The following SEMA3E variants were observed in gnomAD, a reference collection of about 807,000 sequenced individuals.
SEMA3E encodes semaphorin-3E.
In SEMA3E, 49 loss-of-function variants were observed where a neutral mutation model predicts 93.6. The observed-to-expected ratio is 0.52, with a 90% CI of 0.42 to 0.66. The LOEUF is 0.66. SEMA3E is among the 30% of genes least tolerant of loss of function. SEMA3E has a pLI of 0.00. For missense variants in SEMA3E, 906 were observed against 964.8 expected, an observed-to-expected ratio of 0.94 and a Z score of 0.81; for synonymous variants, 363 against 330.7, an observed-to-expected ratio of 1.10 and a Z score of -1.06.
chr7:83,476,084 C>G (rs1394804425), intron 2 of SEMA3E, among the ~76,000 whole-genome samples: 1 of 152,150 alleles, frequency 6.6e-6, no homozygotes, highest in Non-Finnish European at 1.5e-5. Context: ...GAGGGCAAGG[C>G]AGTGACTTAT....
chr7:83,371,489 C>T (rs767444620), intron 16 of SEMA3E: 4 of 151,994 alleles, frequency 2.6e-5, no homozygotes, highest in Non-Finnish European at 2.9e-5. Context: ...TTTAATGATG[C>T]GTCAATTTGT....
intron 1 of SEMA3E, among the ~76,000 whole-genome samples, chr7:83,605,359 T>C (rs375873978): frequency 1.3e-5 from 2 of 152,130 alleles, no homozygotes; most frequent in Non-Finnish European, 1.5e-5. Context: ...TTGTGGTTTT[T>C]ATTTGCATTT....
At chr7:83,483,184 A>T (rs1187007248) in intron 2 of SEMA3E, among the ~76,000 whole-genome samples, 1 of 152,150 alleles carries the variant, frequency 6.6e-6, no homozygotes, top group Admixed American at 6.6e-5. Flanking sequence ...TTTCTATCAG[A>T]TAATATATAA....
At chr7:83,610,475 T>C (rs191781585) in intron 1 of SEMA3E, among the ~76,000 whole-genome samples, 2 of 152,224 alleles carry the variant, frequency 1.3e-5, no homozygotes, top group Non-Finnish European at 2.9e-5. Context: ...ATATTATAAA[T>C]GTTACAACTA....
rs954214086 is a variant in SEMA3E, at chr7:83,632,397, G to A, written c.115+16031C>T. 4.6e-5 allele frequency among the ~76,000 whole-genome samples: 7 copies of A among 152,086 alleles called. 1 individual carries two copies. The highest frequency in any genetic ancestry group is 4.6e-4 in the Admixed American group (7 of 15,272). ...CCCAAATCTCAGCTTTAATTCCCACGGGTTGTGGGAGGGACCCAGTGGGAG... is the reference window on the plus strand; with the variant it reads ...CCCAAATCTCAGCTTTAATTCCCACAGGTTGTGGGAGGGACCCAGTGGGAG... On this transcript the variant is annotated intron_variant, in intron 1 of 16. Coordinates refer to ENST00000643230, the MANE Select transcript of SEMA3E (RefSeq NM_012431.3).
intron 1 of SEMA3E, among the ~76,000 whole-genome samples, chr7:83,554,369 C>CA (rs886337531): frequency 2.0e-5 from 3 of 152,000 alleles, no homozygotes; most frequent in African/African-American, 7.2e-5. Context: ...AAGTTGAAAC[C>CA]AAATGACTTG....
intron 1 of SEMA3E, among the ~76,000 whole-genome samples, chr7:83,572,110 G>C (rs977411406): frequency 6.6e-6 from 1 of 152,134 alleles, no homozygotes; most frequent in Admixed American, 6.6e-5. Flanking sequence ...TATGTTCATA[G>C]ATAGGAAGAA....
intron 2 of SEMA3E, among the ~76,000 whole-genome samples, chr7:83,486,151 G>T (rs1397016110): frequency 1.3e-5 from 2 of 152,066 alleles, no homozygotes. Context: ...CAGAGTAGCT[G>T]GGACTACAGG....
chr7:83,391,915 C>T (rs1562759717), intron 14 of SEMA3E, among the ~76,000 whole-genome samples: 1 of 152,070 alleles, frequency 6.6e-6, no homozygotes, highest in Non-Finnish European at 1.5e-5. Flanking sequence ...AATAAAAATA[C>T]TTTTTTTCCT....
At chr7:83,477,852 A>T (rs565200923) in intron 2 of SEMA3E, among the ~76,000 whole-genome samples, 1 of 152,166 alleles carries the variant, frequency 6.6e-6, no homozygotes, top group African/African-American at 2.4e-5. Flanking sequence ...AAAGGCATAA[A>T]TATTTTTATA....
intron 4 of SEMA3E, among the ~76,000 whole-genome samples, chr7:83,427,577 T>C (rs1788797859): frequency 6.6e-6 from 1 of 152,206 alleles, no homozygotes; most frequent in Non-Finnish European, 1.5e-5. Context: ...TTATTTGCTT[T>C]GCATAGATCA....
At chr7:83,434,329 T>C (rs1209454452) in intron 4 of SEMA3E, among the ~76,000 whole-genome samples, 1 of 152,188 alleles carries the variant, frequency 6.6e-6, no homozygotes, top group Non-Finnish European at 1.5e-5. Flanking sequence ...ATAATATTGA[T>C]AGTATTTTGG....
chr7:83,531,165 A>G (rs924355177), intron 1 of SEMA3E, among the ~76,000 whole-genome samples: 1 of 151,908 alleles, frequency 6.6e-6, no homozygotes, highest in African/African-American at 2.4e-5. Context: ...TGTGCTTACC[A>G]TTAAAATGAC....
chr7:83,424,211 A>G (rs1242632385), intron 4 of SEMA3E, among the ~76,000 whole-genome samples: 1 of 152,186 alleles, frequency 6.6e-6, no homozygotes. Flanking sequence ...ATACTTCTCA[A>G]GTTTGAAGAA....
chr7:83,390,765 G>A (rs893699790), intron 14 of SEMA3E, among the ~76,000 whole-genome samples: 2 of 152,078 alleles, frequency 1.3e-5, no homozygotes, highest in African/African-American at 4.8e-5. Flanking sequence ...TTACGAGCAC[G>A]GCTTCTGATT....
intron 1 of SEMA3E, among the ~76,000 whole-genome samples, chr7:83,624,086 G>T (rs904794965): frequency 5.9e-5 from 9 of 152,128 alleles, no homozygotes; most frequent in Admixed American, 5.2e-4. Context: ...AATACTCAGT[G>T]GTGTGTATGT....
At chr7:83,615,638 C>T (rs1793349364) in intron 1 of SEMA3E, among the ~76,000 whole-genome samples, 1 of 151,918 alleles carries the variant, frequency 6.6e-6, no homozygotes, top group South Asian at 2.1e-4. Context: ...TATACACGCC[C>T]CATCATTTTT....
rs112080927 is a variant in SEMA3E, at chr7:83,406,506, A to G, written c.814-447T>C. Among the ~76,000 whole-genome samples the G allele has an allele frequency of 2.1e-3, 316 of 152,088 alleles. 3 individuals are homozygous for G. The highest frequency in any genetic ancestry group is 7.0e-3 in the African/African-American group (292 of 41,548). On this transcript the variant is annotated intron_variant, in intron 7 of 16. Coordinates refer to ENST00000643230, the MANE Select transcript of SEMA3E (RefSeq NM_012431.3). The stretch of plus-strand genomic sequence containing the variant: ...CACAACACCCATACTATATATGTAT[A>G]TAAATATATACATACACCACACACA...
intron 1 of SEMA3E, among the ~76,000 whole-genome samples, chr7:83,629,011 T>A (rs929433270): frequency 6.6e-6 from 1 of 152,158 alleles, no homozygotes; most frequent in South Asian, 2.1e-4. Context: ...TATTGCTTCC[T>A]GCTTGGGAGT....
Sources: gnomAD v4.1 joint callset for allele counts (sites outside exome capture counted in the v4.1 genomes callset) on GRCh38, gnomAD v4.1.1 for gene constraint, MANE v1.5 for transcripts, NCBI Gene and HGNC (gene_info 2026-07-23, HGNC 2026-07-21) for gene names.